Variants in DBF4 observed in about 807,000 individuals in gnomAD.
DBF4 encodes the protein DBF4-CDC7 kinase regulatory subunit, also known as protein DBF4 homolog A.
In DBF4, 25 loss-of-function variants were observed where a neutral mutation model predicts 76.6. That is an observed-to-expected ratio of 0.33 (90% CI 0.24 to 0.46). The LOEUF is 0.46. Among genes scored for constraint, DBF4 ranks in the 20% least tolerant of loss-of-function variants. The pLI is 1.00. For missense variants in DBF4, 638 were observed against 760.8 expected, an observed-to-expected ratio of 0.84 and a Z score of 1.90; for synonymous variants, 213 against 258.0, an observed-to-expected ratio of 0.83 and a Z score of 1.67.
Position 87,907,564 on chromosome 7 carries a change from G to C in DBF4, c.1426G>C (p.Glu476Gln), listed in dbSNP as rs182483257. 79 of 1,614,076 alleles carry C rather than the reference G, an allele frequency of 4.9e-5. 1 individual carries two copies. The Admixed American group carries it at 1.3e-3, about 26-fold the overall frequency. The change falls in exon 12 of 12, where the codon GAA becomes CAA. Residue 476 changes from glutamate to glutamine, a missense_variant. By Grantham distance (29) the Glu-to-Gln change is conservative. Transcript: ENST00000265728. ...EHTLSENDLEELRVDHYKCNI... is the reference protein window; with the variant it reads ...EHTLSENDLEQLRVDHYKCNI... ...CACATTAAGTGAAAATGACTTAGAA[G>C]AACTAAGGGTAGATCACTATAAATG...
intron 2 of DBF4, among the ~76,000 whole-genome samples, chr7:87,881,941 T>C (rs1274170435): frequency 6.6e-6 from 1 of 152,198 alleles, no homozygotes; most frequent in East Asian, 1.9e-4. Flanking sequence ...AAAATATATG[T>C]CAATGCAGTT....
Position 87,896,477 on chromosome 7 carries a change from A to G in DBF4, c.601A>G (p.Lys201Glu). 1.9e-6 allele frequency: 3 copies of G among 1,611,310 alleles called. No homozygotes were observed. Among genetic ancestry groups the G allele is most frequent in the South Asian group, 2.2e-5 (2 of 90,654 alleles). ...TTCACTATATATTTTTTTTTAGGGC[A>G]AAAGAGTTGGTAGTGGTGCACAAAA... The part of the protein sequence containing the change: ...KSSTSVRDGG[K>E]RVGSGAQKTR... The change falls in exon 7 of 12, where the codon AAA becomes GAA. Residue 201 changes from lysine to glutamate, a missense_variant. By Grantham distance (56) the Lys-to-Glu change is moderately conservative (BLOSUM62 1). Transcript: ENST00000265728.
chr7:87,888,188 T>A (rs977187233), intron 6 of DBF4, 129 bp downstream of exon 6: 2 of 1,280,874 alleles, frequency 1.6e-6, no homozygotes, highest in Non-Finnish European at 2.0e-6. Flanking sequence ...GTTTCTGTTA[T>A]TCAAATAAAT....
chr7:87,896,363 G>A, intron 6 of DBF4, 111 bp from the exon 7 acceptor site: 1 of 775,066 alleles, frequency 1.3e-6, no homozygotes, highest in Non-Finnish European at 2.1e-6. Flanking sequence ...ATCCTTCTTT[G>A]ATATAGCACT....
chr7:87,900,376 G>T, intron 9 of DBF4, 27 bp downstream of exon 9: 4 of 1,558,348 alleles, frequency 2.6e-6, no homozygotes, highest in Non-Finnish European at 2.6e-6. Flanking sequence ...ACTTTTAGAA[G>T]GAATATTCAG....
chr7:87,892,573 A>G (rs189344300), intron 6 of DBF4, among the ~76,000 whole-genome samples: 1 of 152,290 alleles, frequency 6.6e-6, no homozygotes, highest in East Asian at 1.9e-4. Context: ...TTGTGGACAT[A>G]TTGTCAACTC....
intron 5 of DBF4, 68 bp from the exon 6 acceptor site, chr7:87,887,915 A>G: frequency 7.3e-7 from 1 of 1,378,872 alleles, no homozygotes. Flanking sequence ...TTTAACTACA[A>G]GAAAATATCA....
At chr7:87,880,567 A>G (rs1177846422) in intron 2 of DBF4, among the ~76,000 whole-genome samples, 2 of 152,144 alleles carry the variant, frequency 1.3e-5, no homozygotes, top group African/African-American at 2.4e-5. Flanking sequence ...TACTGTTTCT[A>G]TCACTAAAAA....
rs1260557755 is a variant in DBF4 at position 87,909,394 on chromosome 7, A to G, written c.*1231A>G. 3 of 152,216 alleles carry G rather than the reference A, an allele frequency of 2.0e-5. No homozygotes were observed. The highest frequency in any genetic ancestry group is 3.8e-4 in the East Asian group (2 of 5,196). 9.4% of individuals were successfully genotyped at this position (152,216 alleles called of 1,614,324 possible). On this transcript the variant is annotated 3_prime_UTR_variant, in exon 12 of 12. Transcript: ENST00000265728. ...ACTAATCTTAATTTTTTTGAAATAT[A>G]TGATTCTCAGTACAGGACTAATTCA...
In DBF4 at chr7:87,885,198, TA is replaced by T. The variant is rs761258810; in HGVS notation, c.399+41del. On this transcript the variant is annotated intron_variant, in intron 3 of 11. Coordinates refer to ENST00000265728, the MANE Select transcript of DBF4 (RefSeq NM_006716.4). ...TATGCTTTGAGACTCAGAAGGGCTA[TA>T]TCCTGAAGATCTCCTGGTTTTTAAT... 5 of 1,492,760 alleles carry T rather than the reference TA, an allele frequency of 3.3e-6. No individual in the cohort carries two copies. The South Asian group carries it at 6.5e-5, about 20-fold the overall frequency. The allele number at this position is 1,492,760 out of a possible 1,614,324, so 92.5% of individuals were successfully genotyped here.
rs1214342582 is a variant in DBF4, at chr7:87,878,124, A to G, written c.118A>G (p.Lys40Glu). The change falls in exon 2 of 12, where the codon AAA (lysine) becomes GAA (glutamate). Residue 40 changes from lysine to glutamate, a missense_variant. Coordinates refer to ENST00000265728, the MANE Select transcript of DBF4 (RefSeq NM_006716.4). ...TCTGAAAACTGATAACAGGCCAGAAAAATCCAAATGTAAGCCACTTTGGGG... is the reference window on the plus strand; with the variant it reads ...TCTGAAAACTGATAACAGGCCAGAAGAATCCAAATGTAAGCCACTTTGGGG... ...KSLKTDNRPE[K>E]SKCKPLWGKV... The G allele has an allele frequency of 1.2e-6, 2 of 1,612,838 alleles. No homozygotes were observed. The highest frequency in any genetic ancestry group is 1.7e-6 in the Non-Finnish European group (2 of 1,179,758).
intron 1 of DBF4, among the ~76,000 whole-genome samples, chr7:87,877,772 G>C (rs1170322902): frequency 6.6e-6 from 1 of 152,128 alleles, no homozygotes; most frequent in Admixed American, 6.5e-5. Flanking sequence ...CCTAAAAAAA[G>C]AAAATCTTTC....
chr7:87,896,805 C>A (rs1839651248), intron 7 of DBF4, among the ~76,000 whole-genome samples: 1 of 152,148 alleles, frequency 6.6e-6, no homozygotes, highest in African/African-American at 2.4e-5. Flanking sequence ...CTTTTTATTA[C>A]ACAGAACAGA....
chr7:87,903,167 C>T (rs1237469562), intron 10 of DBF4, among the ~76,000 whole-genome samples: 2 of 152,250 alleles, frequency 1.3e-5, no homozygotes, highest in East Asian at 3.8e-4. Context: ...ACTGTAACCT[C>T]CATCTCCCGA....
At chr7:87,902,437 C>T (rs1839810182) in intron 10 of DBF4, among the ~76,000 whole-genome samples, 1 of 152,098 alleles carries the variant, frequency 6.6e-6, no homozygotes, top group Admixed American at 6.6e-5. Flanking sequence ...CATCCCTACC[C>T]TTATGCACCT....
chr7:87,900,395 C>T (rs1839747604), intron 9 of DBF4, 46 bp downstream of exon 9: 1 of 1,544,572 alleles, frequency 6.5e-7, no homozygotes, highest in African/African-American at 1.4e-5. Context: ...AGAATTTCAT[C>T]TCAATTTTTC....
intron 3 of DBF4, among the ~76,000 whole-genome samples, chr7:87,886,498 G>A (rs1839355107): frequency 8.2e-6 from 1 of 122,552 alleles, no homozygotes; most frequent in Non-Finnish European, 1.6e-5. Flanking sequence ...TCACACCACT[G>A]TACTCTAGCT....
rs770969977 is a variant in DBF4 at position 87,876,684 on chromosome 7, C to T, written c.-49C>T. ...GGGAAGCCGTGCTTTCGCGGCTGCC[C>T]GGTGCGACACTTTCTCCGGACCCAG... is the stretch of plus-strand genomic sequence containing the variant. On this transcript the variant is annotated 5_prime_UTR_variant, in exon 1 of 12. Coordinates refer to ENST00000265728, the MANE Select transcript of DBF4 (RefSeq NM_006716.4). 6.2e-7 allele frequency: 1 copy of T among 1,609,346 alleles called. No homozygotes were observed. The highest frequency in any genetic ancestry group is 1.7e-5 in the Admixed American group (1 of 59,914).
chr7:87,895,036 G>T (rs1195516255), intron 6 of DBF4, among the ~76,000 whole-genome samples: 1 of 151,960 alleles, frequency 6.6e-6, no homozygotes, highest in African/African-American at 2.4e-5. Flanking sequence ...ACAGATCCCT[G>T]TGGCTCTTTT....
Sources: allele counts gnomAD v4.1 joint callset (sites outside exome capture counted in the v4.1 genomes callset), GRCh38; gene constraint gnomAD v4.1.1; transcripts MANE v1.5; gene names NCBI Gene and HGNC (gene_info 2026-07-23, HGNC 2026-07-21).